The following TMPRSS7 variants were observed in gnomAD, a reference collection of about 807,000 sequenced individuals.
TMPRSS7 encodes transmembrane serine protease 7.
Under a neutral mutation model 95.6 loss-of-function variants are expected in TMPRSS7, and 81 were observed. The observed-to-expected ratio is 0.85, with a 90% CI of 0.71 to 1.02. TMPRSS7 has a LOEUF of 1.02. TMPRSS7 is among the 50% of genes least tolerant of loss of function. The pLI, the probability that TMPRSS7 is intolerant of heterozygous loss-of-function variation, is 0.00. For synonymous variants in TMPRSS7, 364 were observed against 337.8 expected, an observed-to-expected ratio of 1.08 and a Z score of -0.85; for missense variants, 945 against 955.2, an observed-to-expected ratio of 0.99 and a Z score of 0.14.
intron 9 of TMPRSS7, among the ~76,000 whole-genome samples, chr3:112,055,454 G>GACACACACACACACACACACAC (rs142185504): frequency 1.8e-3 from 275 of 148,942 alleles, no homozygotes; most frequent in South Asian, 4.3e-3. Context: ...CACTTGCGCA[G>GACACACACACACACACACACAC]ACACACACAC....
intron 4 of TMPRSS7, among the ~76,000 whole-genome samples, chr3:112,045,333 A>T (rs2073264454): frequency 6.6e-6 from 1 of 152,116 alleles, no homozygotes; most frequent in Non-Finnish European, 1.5e-5. Flanking sequence ...GTTTTAGTAG[A>T]GACAGGGTTT....
chr3:112,061,854 C>T (rs761150028), exon 11 of TMPRSS7: 5 of 1,612,800 alleles, frequency 3.1e-6, no homozygotes, highest in South Asian at 2.2e-5. Context: ...TCACATTCAG[C>T]TCCAGTGCAG....
intron 11 of TMPRSS7, 84 bp from the exon 12 acceptor site, chr3:112,063,441 C>T: frequency 9.7e-7 from 1 of 1,027,336 alleles, no homozygotes; most frequent in Non-Finnish European, 1.5e-6. Context: ...CTAACCACTT[C>T]ACACTTTAAA....
At chr3:112,055,655 T>C (rs549062207) in intron 9 of TMPRSS7, among the ~76,000 whole-genome samples, 4 of 152,184 alleles carry the variant, frequency 2.6e-5, no homozygotes, top group African/African-American at 7.2e-5. Context: ...TCAATAAGGC[T>C]GAACAAAAAG....
intron 13 of TMPRSS7, among the ~76,000 whole-genome samples, chr3:112,066,951 G>A (rs1474545205): frequency 6.6e-6 from 1 of 151,972 alleles, no homozygotes; most frequent in Non-Finnish European, 1.5e-5. Context: ...TTTACATTAG[G>A]TATTTCTCCT....
rs1039549900 is a variant in TMPRSS7, at chr3:112,066,628, A to C, written c.1666+126A>C. ...GTCCCAGGTTCTCTGGAACTTCTCC[A>C]GTTTTAGCACTGAAAGTCCCTTGTC... On this transcript the variant is annotated intron_variant, in intron 13 of 17. Coordinates refer to ENST00000452346, the Ensembl canonical transcript of TMPRSS7. 4 of 801,694 alleles carry C rather than the reference A, an allele frequency of 5.0e-6. No individual in the cohort carries two copies. The African/African-American group carries it at 6.9e-5, about 14-fold the overall frequency. 49.7% of individuals were successfully genotyped at this position (801,694 alleles called of 1,614,324 possible). A position where few individuals can be genotyped will look rare whatever the true frequency, so the allele number is the denominator to read the frequency against.
chr3:112,063,656 G>T, intron 12 of TMPRSS7, 24 bp downstream of exon 12: 2 of 1,574,632 alleles, frequency 1.3e-6, no homozygotes, highest in South Asian at 2.2e-5. Context: ...ATTTTAATAT[G>T]ACTTTCTTAT....
chr3:112,045,366 T>C (rs1214483596), intron 4 of TMPRSS7, among the ~76,000 whole-genome samples: 1 of 152,198 alleles, frequency 6.6e-6, no homozygotes, highest in African/African-American at 2.4e-5. Context: ...CAGGCTGGTC[T>C]CGAACTCCTG....
At chr3:112,064,644 C>T (rs934623866) in intron 12 of TMPRSS7, among the ~76,000 whole-genome samples, 7 of 152,026 alleles carry the variant, frequency 4.6e-5, no homozygotes, top group South Asian at 2.1e-4. Context: ...ATTACAGGCA[C>T]GAGCCACTGC....
chr3:112,054,785 C>G (rs113716380), intron 9 of TMPRSS7, among the ~76,000 whole-genome samples: 32,491 of 133,514 alleles, frequency 0.24, 4,048 homozygotes, highest in Middle Eastern at 0.34. Flanking sequence ...CTGTCGCCCA[C>G]GCTGGAGTGC....
At chr3:112,044,294 T>C in exon 4 of TMPRSS7, 1 of 1,551,434 alleles carries the variant, frequency 6.4e-7, no homozygotes, top group Non-Finnish European at 8.7e-7. Flanking sequence ...CTCCAAATTT[T>C]ATGAGCAGTC....
At chr3:112,045,821 T>C in exon 5 of TMPRSS7, 1 of 1,551,762 alleles carries the variant, frequency 6.4e-7, no homozygotes. Flanking sequence ...AAAGGCCACA[T>C]CTTCTGTGAA....
intron 12 of TMPRSS7, among the ~76,000 whole-genome samples, chr3:112,064,038 T>C (rs1294849932): frequency 6.6e-6 from 1 of 152,202 alleles, no homozygotes; most frequent in African/African-American, 2.4e-5. Context: ...CCATCATTTG[T>C]GTTACATTCT....
At chr3:112,073,105 T>C (rs150710326) in intron 13 of TMPRSS7, among the ~76,000 whole-genome samples, 2,490 of 149,606 alleles carry the variant, frequency 0.017, 23 homozygotes, top group Middle Eastern at 0.034. Context: ...TTTTTTTTTT[T>C]TTTTGAGACA....
intron 13 of TMPRSS7, among the ~76,000 whole-genome samples, 159 bp downstream of exon 13, chr3:112,066,661 C>A (rs2073579985): frequency 1.3e-5 from 2 of 152,156 alleles, no homozygotes; most frequent in South Asian, 4.1e-4. Flanking sequence ...GTCTTGGGAA[C>A]CCCTTTAGTC....
At chr3:112,043,076 A>G (rs548682807) in intron 3 of TMPRSS7, 1 of 455,966 alleles carries the variant, frequency 2.2e-6, no homozygotes, top group African/African-American at 2.0e-5. Flanking sequence ...TACGTCACTA[A>G]ACCCTTTGCC....
At chr3:112,075,628 C>A (rs966840084) in intron 15 of TMPRSS7, 136 bp downstream of exon 15, 28 of 732,156 alleles carry the variant, frequency 3.8e-5, no homozygotes, top group Non-Finnish European at 5.1e-5. Flanking sequence ...TTGGATCCCA[C>A]GTGTGTGACA....
chr3:112,075,502 C>T lies in TMPRSS7; in HGVS notation c.1955+10C>T. The T allele has an allele frequency of 7.0e-7, 1 of 1,428,314 alleles. No homozygotes were observed. Among genetic ancestry groups the T allele is most frequent in the Non-Finnish European group, 9.2e-7 (1 of 1,084,474 alleles). 88.5% of individuals were successfully genotyped at this position (1,428,314 alleles called of 1,614,324 possible). A position where few individuals can be genotyped will look rare whatever the true frequency, so the allele number is the denominator to read the frequency against. On this transcript the variant is annotated intron_variant, in intron 15 of 17. Transcript: ENST00000452346. Reference sequence around the variant, plus strand: ...GTTTTCATGGAAACAGGTAGGGCCTCACGGTCCTTACTTTCAAGTGGCACT... The same window carrying T: ...GTTTTCATGGAAACAGGTAGGGCCTTACGGTCCTTACTTTCAAGTGGCACT...
At chr3:112,080,461 T>C (rs2073763634) in intron 17 of TMPRSS7, among the ~76,000 whole-genome samples, 1 of 152,144 alleles carries the variant, frequency 6.6e-6, no homozygotes, top group Admixed American at 6.5e-5. Context: ...CATAAGGTTG[T>C]TGTGAGGATT....
Sources: allele counts gnomAD v4.1 joint callset (sites outside exome capture counted in the v4.1 genomes callset), GRCh38; gene constraint gnomAD v4.1.1; transcripts MANE v1.5; gene names NCBI Gene and HGNC (gene_info 2026-07-23, HGNC 2026-07-21).